The following BIVM variants were observed in gnomAD, a reference collection of about 807,000 sequenced individuals.
The protein encoded by BIVM is basic, immunoglobulin-like variable motif containing, also known as basic immunoglobulin-like variable motif-containing protein.
In BIVM, 31 loss-of-function variants were observed where a neutral mutation model predicts 61.4. The observed-to-expected ratio is 0.51, with a 90% confidence interval of 0.38 to 0.68. The LOEUF is 0.68. Ranked by LOEUF, BIVM falls within the 30% of genes least tolerant of loss-of-function variation. The pLI is 0.00. For synonymous variants in BIVM, 189 were observed against 210.7 expected (o/e 0.90, Z 0.89); for missense variants, 526 against 596.0 (o/e 0.88, Z 1.22).
intron 3 of BIVM, among the ~76,000 whole-genome samples, chr13:102,814,641 A>G (rs1879742864): frequency 6.6e-6 from 1 of 152,226 alleles, no homozygotes; most frequent in Admixed American, 6.5e-5. Flanking sequence ...TGTAAGAGTC[A>G]TTTTACCAGT....
At chr13:102,831,487 C>A in intron 7 of BIVM, 78 bp from the exon 8 acceptor site, 1 of 1,587,754 alleles carries the variant, frequency 6.3e-7, no homozygotes, top group Admixed American at 1.7e-5. Flanking sequence ...TGTCCTTAAG[C>A]CCTTAACCGG....
chr13:102,811,285 G>T (rs1354241434), intron 3 of BIVM, among the ~76,000 whole-genome samples: 1 of 152,176 alleles, frequency 6.6e-6, no homozygotes, highest in Non-Finnish European at 1.5e-5. Context: ...AACTCCTTCA[G>T]TTTTTGTTTG....
In BIVM at chr13:102,840,047, A is replaced by C. The variant is rs951259987; in HGVS notation, c.*182A>C. On this transcript the variant is annotated 3_prime_UTR_variant, in exon 11 of 11. Transcript: ENST00000257336. ...ATGATTATGGTGGGTGATTTCAGAT[A>C]TATAAGCAGATAAGCACAGATTATT... 1.7e-6 allele frequency: 1 copy of C among 591,966 alleles called. No individual in the cohort carries two copies. 36.7% of individuals were successfully genotyped at this position (591,966 alleles called of 1,614,324 possible).
intron 1 of BIVM, among the ~76,000 whole-genome samples, chr13:102,802,749 T>TC (rs1437961388): frequency 6.7e-6 from 1 of 148,486 alleles, no homozygotes; most frequent in African/African-American, 2.5e-5. Context: ...TCTTTCCTTT[T>TC]TTTTTTTTTT....
chr13:102,839,941 T>C lies in BIVM; in HGVS notation c.*76T>C. ...GGACTGTATAAAGACAGTAGAAGAT[T>C]TTAGTAAGCCTACATTAAATAGGAG... On this transcript the variant is annotated 3_prime_UTR_variant, in exon 11 of 11. Coordinates refer to ENST00000257336, the MANE Select transcript of BIVM (RefSeq NM_017693.4). 7.0e-7 allele frequency: 1 copy of C among 1,436,030 alleles called. No individual in the cohort carries two copies. The highest frequency in any genetic ancestry group is 9.3e-7 in the Non-Finnish European group (1 of 1,072,602). The allele number at this position is 1,436,030 out of a possible 1,614,324, so 89.0% of individuals were successfully genotyped here.
At chr13:102,832,467 G>A (rs569302864) in intron 8 of BIVM, among the ~76,000 whole-genome samples, 1 of 152,194 alleles carries the variant, frequency 6.6e-6, no homozygotes, top group African/African-American at 2.4e-5. Context: ...CTCCCAAAGT[G>A]CTGGGATTAC....
intron 4 of BIVM, among the ~76,000 whole-genome samples, chr13:102,819,444 A>C (rs1880087199): frequency 6.6e-6 from 1 of 152,240 alleles, no homozygotes; most frequent in African/African-American, 2.4e-5. Flanking sequence ...TGTTGAAGAC[A>C]GCACTTAGTA....
intron 4 of BIVM, among the ~76,000 whole-genome samples, chr13:102,819,072 G>T (rs887294413): frequency 1.3e-5 from 2 of 152,138 alleles, no homozygotes; most frequent in South Asian, 2.1e-4. Context: ...TATCAGCAAG[G>T]GCCATATAGC....
intron 7 of BIVM, among the ~76,000 whole-genome samples, chr13:102,829,092 C>A (rs943854370): frequency 3.6e-4 from 55 of 151,554 alleles, no homozygotes; most frequent in African/African-American, 1.3e-3. Context: ...GATTACCTAT[C>A]AGAGTTTCAG....
chr13:102,800,578 C>T (rs1273619669), intron 1 of BIVM: 1 of 152,264 alleles, frequency 6.6e-6, no homozygotes, highest in Admixed American at 6.5e-5. Context: ...TACTCCGTCC[C>T]GGCGGCCTCG....
chr13:102,829,664 C>T (rs1433453656), intron 7 of BIVM, among the ~76,000 whole-genome samples: 1 of 151,886 alleles, frequency 6.6e-6, no homozygotes, highest in Non-Finnish European at 1.5e-5. Context: ...CATAGTGAAA[C>T]CCCGTCTCTA....
chr13:102,836,455 G>C (rs975259251), intron 9 of BIVM, among the ~76,000 whole-genome samples: 1 of 152,190 alleles, frequency 6.6e-6, no homozygotes, highest in East Asian at 1.9e-4. Context: ...TGAGACCACA[G>C]ATGTGTGCCC....
intron 7 of BIVM, among the ~76,000 whole-genome samples, chr13:102,824,950 A>ATTT (rs1555322766): frequency 1.4e-5 from 2 of 147,650 alleles, no homozygotes; most frequent in Admixed American, 1.4e-4. Context: ...TAATTAATTA[A>ATTT]TTTTTTTTTT....
At chr13:102,808,435 A>T (rs148775754) in intron 3 of BIVM, among the ~76,000 whole-genome samples, 1 of 152,204 alleles carries the variant, frequency 6.6e-6, no homozygotes, top group African/African-American at 2.4e-5. Context: ...AGTTAATAAG[A>T]GGAGGTCAAA....
At position 102,806,910 on chromosome 13, in the gene BIVM, C is replaced by CA. The variant is rs142964523; in HGVS notation, c.-122-223dup. Among the ~76,000 whole-genome samples, 694 of 134,980 alleles carry CA rather than the reference C, an allele frequency of 5.1e-3. 4 individuals are homozygous for CA. The highest frequency in any genetic ancestry group is 0.014 in the African/African-American group (504 of 36,740). The allele number at this position is 134,980 out of a possible 152,430, so 88.6% of individuals were successfully genotyped here. A position where few individuals can be genotyped will look rare whatever the true frequency, so the allele number is the denominator to read the frequency against. ...GGGCAACAAGAGTGAAACTCCATCT[C>CA]AAAAAAAAAAAAATTGGGCTATTTG... On this transcript the variant is annotated intron_variant, in intron 2 of 10. Transcript: ENST00000257336.
chr13:102,840,043 A>C lies in BIVM; in HGVS notation c.*178A>C. The C allele has an allele frequency of 3.2e-6, 2 of 616,580 alleles. No homozygotes were observed. The highest frequency in any genetic ancestry group is 5.4e-5 in the South Asian group (2 of 37,368). The allele number at this position is 616,580 out of a possible 1,614,324, so 38.2% of individuals were successfully genotyped here. A position where few individuals can be genotyped will look rare whatever the true frequency, so the allele number is the denominator to read the frequency against. Reference sequence around the variant, plus strand: ...GTATATGATTATGGTGGGTGATTTCAGATATATAAGCAGATAAGCACAGAT... The same window carrying C: ...GTATATGATTATGGTGGGTGATTTCCGATATATAAGCAGATAAGCACAGAT... On this transcript the variant is annotated 3_prime_UTR_variant, in exon 11 of 11. Transcript: ENST00000257336.
At chr13:102,817,402 A>G (rs1879937763) in intron 4 of BIVM, among the ~76,000 whole-genome samples, 1 of 152,192 alleles carries the variant, frequency 6.6e-6, no homozygotes, top group Non-Finnish European at 1.5e-5. Context: ...TCATACTTCA[A>G]AGGTTTCACA....
intron 4 of BIVM, among the ~76,000 whole-genome samples, chr13:102,819,988 T>C (rs1410653211): frequency 1.3e-5 from 2 of 152,150 alleles, no homozygotes; most frequent in Non-Finnish European, 2.9e-5. Flanking sequence ...AGAAGATCAT[T>C]TGAAGGCCAA....
At chr13:102,838,898 A>AG (rs1881657325) in intron 10 of BIVM, among the ~76,000 whole-genome samples, 159 bp downstream of exon 10, 1 of 152,248 alleles carries the variant, frequency 6.6e-6, no homozygotes, top group African/African-American at 2.4e-5. Flanking sequence ...CCCAAGGGCA[A>AG]GGGGTATAAC....
Sources: allele counts gnomAD v4.1 joint callset (sites outside exome capture counted in the v4.1 genomes callset), GRCh38; gene constraint gnomAD v4.1.1; transcripts MANE v1.5; gene names NCBI Gene and HGNC (gene_info 2026-07-23, HGNC 2026-07-21).